Variants in EVPLL observed in about 807,000 individuals in gnomAD.
EVPLL encodes the protein envoplakin like.
Under a neutral mutation model 46.2 loss-of-function variants are expected in EVPLL, and 39 were observed. The observed-to-expected ratio is 0.84, with a 90% CI of 0.65 to 1.10. The LOEUF is 1.10. EVPLL is among the 50% of genes least tolerant of loss of function. The probability of loss-of-function intolerance (pLI) is 0.00; values close to 1 mark genes in which losing one functional copy is unlikely to be tolerated. For missense variants in EVPLL, 385 were observed against 412.6 expected (o/e 0.93, Z 0.58); for synonymous variants, 156 against 165.8 (o/e 0.94, Z 0.46).
At position 18,381,830 on chromosome 17, in the gene EVPLL, G is replaced by T; in HGVS notation, c.346+100G>T. On this transcript the variant is annotated intron_variant, in intron 4 of 10. Coordinates refer to ENST00000399134, the MANE Select transcript of EVPLL (RefSeq NM_001145127.2). The surrounding 1 kb of genome is among the most constrained non-coding windows in gnomAD (Gnocchi z 4.2). ...TAGGCTTGAACAGTCAGTGTATAGTGGTGTCTCAGGGGTCTGGGCAGGGAG... is the reference window on the plus strand; with the variant it reads ...TAGGCTTGAACAGTCAGTGTATAGTTGTGTCTCAGGGGTCTGGGCAGGGAG... 5 of 1,565,430 alleles carry T rather than the reference G, an allele frequency of 3.2e-6. No individual in the cohort carries two copies. The South Asian group carries it at 4.6e-5, about 14-fold the overall frequency.
chr17:18,377,880 A>G lies in EVPLL; in HGVS notation c.-140A>G. The G allele has an allele frequency of 9.5e-7, 1 of 1,051,838 alleles. No homozygotes were observed. The highest frequency in any genetic ancestry group is 1.4e-6 in the Non-Finnish European group (1 of 726,318). The allele number at this position is 1,051,838 out of a possible 1,614,324, so 65.2% of individuals were successfully genotyped here. A position where few individuals can be genotyped will look rare whatever the true frequency, so the allele number is the denominator to read the frequency against. ...CCAGCCTGAGCCAGCACCTGCCTTT[A>G]TGACCATGTTCAAGGGACTGAGCAA... On this transcript the variant is annotated 5_prime_UTR_variant, in exon 1 of 11. An upstream start codon of the reference 5' UTR is lost. Transcript: ENST00000399134.
rs564093915 is a variant in EVPLL, at chr17:18,385,903, G to A, written c.876+2316G>A. ...TCCCCACCCTGGCCAGAACTATCTT[G>A]CAAACCTACACCCAGCAAAAGATCC... On this transcript the variant is annotated intron_variant, in intron 9 of 10. Transcript: ENST00000399134. Among the ~76,000 whole-genome samples the A allele has an allele frequency of 8.5e-5, 13 of 152,232 alleles. 1 individual carries two copies. The South Asian group carries it at 2.3e-3, about 27-fold the overall frequency.
In EVPLL at chr17:18,389,070, CT is replaced by C. The variant is rs1987865793; in HGVS notation, c.*255del. On this transcript the variant is annotated 3_prime_UTR_variant, in exon 11 of 11. Coordinates refer to ENST00000399134, the MANE Select transcript of EVPLL (RefSeq NM_001145127.2). Reference sequence around the variant, plus strand: ...GTAGCCACTGGGCTCAGCCCTGGAGCTGAGAGCATCGCTGGAGATAGACGTG... The same window carrying C: ...GTAGCCACTGGGCTCAGCCCTGGAGCGAGAGCATCGCTGGAGATAGACGTG... 1.9e-5 allele frequency: 2 copies of C among 106,016 alleles called. No homozygotes were observed. Among genetic ancestry groups the C allele is most frequent in the Admixed American group, 1.8e-4 (2 of 11,110 alleles). 6.6% of individuals were successfully genotyped at this position (106,016 alleles called of 1,614,324 possible).
At chr17:18,385,966 G>T (rs954564246) in intron 9 of EVPLL, among the ~76,000 whole-genome samples, 2 of 152,194 alleles carry the variant, frequency 1.3e-5, no homozygotes, top group Non-Finnish European at 2.9e-5. Context: ...GGAAGCCTGA[G>T]TCTCCATCGC....
At chr17:18,382,685 T>G in intron 5 of EVPLL, 47 bp downstream of exon 5, 3 of 1,551,972 alleles carry the variant, frequency 1.9e-6, no homozygotes, top group Non-Finnish European at 1.7e-6. Flanking sequence ...CCCCAGCCCC[T>G]GTTTTTCCAG....
rs1378183999 is a variant in EVPLL, at chr17:18,380,906, C to CATT, written c.-32_-31insATT. ...CTGTCCCCTCCACCCACCAAGAATG[C>CATT]CACCCAGGAGCTGACCCTGCTCATC... On this transcript the variant is annotated 5_prime_UTR_variant, in exon 2 of 11. Coordinates refer to ENST00000399134, the MANE Select transcript of EVPLL (RefSeq NM_001145127.2). 1.5e-5 allele frequency: 23 copies of CATT among 1,569,472 alleles called. No individual in the cohort carries two copies. Among genetic ancestry groups the CATT allele is most frequent in the South Asian group, 3.5e-5 (3 of 84,878 alleles).
chr17:18,381,661 G>A lies in EVPLL; in HGVS notation c.277G>A (p.Glu93Lys), dbSNP rs536751520. The A allele has an allele frequency of 1.0e-4, 161 of 1,614,182 alleles. 1 individual carries two copies. Among genetic ancestry groups the A allele is most frequent in the East Asian group, 3.3e-4 (15 of 44,870 alleles). ...QECAEYCALY[E>K]KMVLPPRRGI... ...GTGTGCGGAGTACTGTGCCCTGTAC[G>A]AGAAGATGGTGCTGCCGCCCCGACG... The change falls in exon 4 of 11, where the codon GAG becomes AAG. Residue 93 changes from glutamate to lysine, a missense_variant. Transcript: ENST00000399134. The surrounding 1 kb of genome is among the most constrained non-coding windows in gnomAD (Gnocchi z 4.2).
chr17:18,381,807 G>A lies in EVPLL; in HGVS notation c.346+77G>A, dbSNP rs558481100. ...GCATTTAACCCAGGGCCTGACTGTAGGCTTGAACAGTCAGTGTATAGTGGT... is the reference window on the plus strand; with the variant it reads ...GCATTTAACCCAGGGCCTGACTGTAAGCTTGAACAGTCAGTGTATAGTGGT... On this transcript the variant is annotated intron_variant, in intron 4 of 10. Transcript: ENST00000399134. The surrounding 1 kb of genome is among the most constrained non-coding windows in gnomAD (Gnocchi z 4.2). 414 of 1,602,122 alleles carry A rather than the reference G, an allele frequency of 2.6e-4. No individual in the cohort carries two copies. The highest frequency in any genetic ancestry group is 3.0e-4 in the Non-Finnish European group (352 of 1,173,162).
At chr17:18,380,649 G>A (rs920281165) in intron 1 of EVPLL, 6 of 363,876 alleles carry the variant, frequency 1.6e-5, no homozygotes, top group African/African-American at 6.2e-5. Context: ...CTGGGACACC[G>A]AGGCCGCCTG....
At position 18,381,893 on chromosome 17, in the gene EVPLL, G is replaced by A; in HGVS notation, c.346+163G>A. 1 of 1,156,364 alleles carries A rather than the reference G, an allele frequency of 8.6e-7. No homozygotes were observed. The highest frequency in any genetic ancestry group is 1.2e-6 in the Non-Finnish European group (1 of 820,252). 71.6% of individuals were successfully genotyped at this position (1,156,364 alleles called of 1,614,324 possible). ...ACAGTGCAGTCAGGGAAGACTTCCT[G>A]TAGGAGGAGGCACATGAAGAGACCT... On this transcript the variant is annotated intron_variant, in intron 4 of 10. Coordinates refer to ENST00000399134, the MANE Select transcript of EVPLL (RefSeq NM_001145127.2). This position sits in a 1 kb window ranked among gnomAD's most constrained non-coding sequence, Gnocchi z 4.2.
In EVPLL at chr17:18,383,587, G is replaced by T. The variant is rs779286350; in HGVS notation, c.876G>T (p.Arg292=). Residue 292 remains arginine (R), a splice_region_variant and synonymous_variant, in exon 9 of 11, where the codon CGG becomes CGT. Transcript: ENST00000399134. ...TCCAGCACGTGGAGGACTACAGCCG[G>T]GTGAGCCCTCGGGCAGCGGCAGGGC... ...TQLQHVEDYS[R]ILCPSSSPH 141 of 1,509,034 alleles carry T rather than the reference G, an allele frequency of 9.3e-5. 1 individual carries two copies. The highest frequency in any genetic ancestry group is 7.4e-5 in the Non-Finnish European group (84 of 1,128,950). The allele number at this position is 1,509,034 out of a possible 1,614,324, so 93.5% of individuals were successfully genotyped here.
chr17:18,388,587 G>A (rs1433211949), intron 10 of EVPLL: 1 of 191,844 alleles, frequency 5.2e-6, no homozygotes, highest in African/African-American at 2.4e-5. Context: ...AGAGGACCTT[G>A]TGGCACAAGC....
In EVPLL at chr17:18,383,504, G is replaced by T; in HGVS notation, c.793G>T (p.Ala265Ser). The change falls in exon 9 of 11, where the codon GCC becomes TCC. Residue 265 changes from alanine (A) to serine (S), a missense_variant. Coordinates refer to ENST00000399134, the MANE Select transcript of EVPLL (RefSeq NM_001145127.2). ...AVGPIQAHQEALKMEWQNFLN... is the reference protein window; with the variant it reads ...AVGPIQAHQESLKMEWQNFLN... ...CTGCGGTACCCAGGCCCACCAGGAG[G>T]CCCTGAAGATGGAGTGGCAGAACTT... The T allele has an allele frequency of 1.3e-6, 2 of 1,581,184 alleles. No homozygotes were observed. The highest frequency in any genetic ancestry group is 2.3e-5 in the South Asian group (2 of 86,226).
intron 9 of EVPLL, among the ~76,000 whole-genome samples, chr17:18,383,915 G>A (rs552774429): frequency 9.2e-5 from 14 of 152,246 alleles, no homozygotes; most frequent in Admixed American, 3.3e-4. Flanking sequence ...GGAGGTTGCA[G>A]TGGGCCGAGA....
Position 18,381,641 on chromosome 17 carries a change from C to T in EVPLL, c.257C>T (p.Ala86Val), listed in dbSNP as rs766092868. Reference sequence around the variant, plus strand: ...CACGAGCGGGTGACCCAGGAGTGTGCGGAGTACTGTGCCCTGTACGAGAAG... The same window carrying T: ...CACGAGCGGGTGACCCAGGAGTGTGTGGAGTACTGTGCCCTGTACGAGAAG... ...QLHERVTQEC[A>V]EYCALYEKMV... Residue 86 changes from alanine to valine, a missense_variant, in exon 4 of 11, where the codon GCG becomes GTG. Physicochemically the swap from Ala to Val is moderately conservative, Grantham distance 64 (BLOSUM62 0). Coordinates refer to ENST00000399134, the MANE Select transcript of EVPLL (RefSeq NM_001145127.2). The surrounding 1 kb of genome is among the most constrained non-coding windows in gnomAD (Gnocchi z 4.2). 3.0e-5 allele frequency: 49 copies of T among 1,614,012 alleles called. No individual in the cohort carries two copies. Among genetic ancestry groups the T allele is most frequent in the Admixed American group, 1.8e-4 (11 of 59,994 alleles).
chr17:18,386,917 CAG>C (rs1449951702), intron 9 of EVPLL, among the ~76,000 whole-genome samples: 1 of 146,152 alleles, frequency 6.8e-6, no homozygotes, highest in Admixed American at 6.9e-5. Context: ...TTTTTTGAGA[CAG>C]AGTCTTGCTC....
chr17:18,388,530 G>A lies in EVPLL; in HGVS notation c.*40+242G>A, dbSNP rs1462769662. ...TGGCTCAGGAATAGGCCCAGACAGT[G>A]CATCCAGATGTGTGAGGCCACATCA... On this transcript the variant is annotated intron_variant, in intron 10 of 10. Transcript: ENST00000399134. 16 of 340,610 alleles carry A rather than the reference G, an allele frequency of 4.7e-5. No individual in the cohort carries two copies. The South Asian group carries it at 9.6e-4, about 20-fold the overall frequency. 21.1% of individuals were successfully genotyped at this position (340,610 alleles called of 1,614,324 possible). A position where few individuals can be genotyped will look rare whatever the true frequency, so the allele number is the denominator to read the frequency against.
intron 1 of EVPLL, among the ~76,000 whole-genome samples, chr17:18,378,820 G>T (rs184436046): frequency 1.5e-3 from 220 of 148,968 alleles, no homozygotes; most frequent in Non-Finnish European, 2.7e-3. Context: ...CCTCATGCCT[G>T]CAATCCTACC....
rs754413629 is a variant in EVPLL, at chr17:18,381,580, C to A, written c.219-23C>A. The A allele has an allele frequency of 1.2e-5, 19 of 1,613,862 alleles. No homozygotes were observed. Among genetic ancestry groups the A allele is most frequent in the Non-Finnish European group, 1.5e-5 (18 of 1,179,980 alleles). On this transcript the variant is annotated intron_variant, in intron 3 of 10. Transcript: ENST00000399134. This position sits in a 1 kb window ranked among gnomAD's most constrained non-coding sequence, Gnocchi z 4.2. ...GGGGAAGACCCAGGCCCAGCCCTGACCTGCTGGCCACCTTCTTGACAGCAT... is the reference window on the plus strand; with the variant it reads ...GGGGAAGACCCAGGCCCAGCCCTGAACTGCTGGCCACCTTCTTGACAGCAT...
Sources: allele counts gnomAD v4.1 joint callset (sites outside exome capture counted in the v4.1 genomes callset), GRCh38; gene constraint gnomAD v4.1.1; non-coding constraint Gnocchi (gnomAD v3.1); transcripts MANE v1.5; gene names NCBI Gene and HGNC (gene_info 2026-07-23, HGNC 2026-07-21).